PALM2AKAP2: variants seen among roughly 807,000 people sequenced by gnomAD.
PALM2AKAP2 encodes PALM2 and AKAP2 fusion, also known as PALM2-AKAP2 fusion protein.
In PALM2AKAP2, 37 loss-of-function variants were observed where a neutral mutation model predicts 71.5. The observed-to-expected ratio is 0.52, with a 90% CI of 0.40 to 0.68. The LOEUF is 0.68. PALM2AKAP2 is among the 30% of genes least tolerant of loss of function. PALM2AKAP2 has a pLI of 0.00. For missense variants in PALM2AKAP2, 1,224 were observed against 1,191.8 expected (o/e 1.03, Z -0.40); for synonymous variants, 468 against 478.8 (o/e 0.98, Z 0.29).
intron 1 of PALM2AKAP2, among the ~76,000 whole-genome samples, chr9:109,859,886 A>G (rs1011364841): frequency 6.6e-6 from 1 of 152,274 alleles, no homozygotes; most frequent in African/African-American, 2.4e-5. Flanking sequence ...TTGTAGGATC[A>G]GAAAATCACA....
At chr9:109,869,292 TTAG>T (rs1829540231) in intron 2 of PALM2AKAP2, among the ~76,000 whole-genome samples, 3 of 152,114 alleles carry the variant, frequency 2.0e-5, no homozygotes, top group Admixed American at 6.5e-5. Context: ...CAGTGCAGTA[TTAG>T]TATATTCTGT....
At chr9:110,089,890 T>C (rs1173054553) in intron 1 of PALM2AKAP2, among the ~76,000 whole-genome samples, 1 of 152,242 alleles carries the variant, frequency 6.6e-6, no homozygotes, top group Non-Finnish European at 1.5e-5. Flanking sequence ...GTTTACATTA[T>C]AAGTCATCAT....
intron 6 of PALM2AKAP2, among the ~76,000 whole-genome samples, chr9:109,947,923 G>T (rs1831548091): frequency 6.6e-6 from 1 of 152,132 alleles, no homozygotes; most frequent in Non-Finnish European, 1.5e-5. Context: ...CTTAATCAAG[G>T]TATATTGAAC....
At chr9:109,948,388 G>A (rs1831560905) in intron 6 of PALM2AKAP2, among the ~76,000 whole-genome samples, 1 of 152,134 alleles carries the variant, frequency 6.6e-6, no homozygotes, top group East Asian at 1.9e-4. Context: ...TAAGAAGGTC[G>A]GAACTGTCGC....
chr9:109,823,713 T>C (rs75318535), intron 1 of PALM2AKAP2, among the ~76,000 whole-genome samples: 237 of 152,276 alleles, frequency 1.6e-3, no homozygotes, highest in African/African-American at 5.5e-3. Flanking sequence ...TCAGAAAACA[T>C]CTACAGAATG....
intron 2 of PALM2AKAP2, among the ~76,000 whole-genome samples, chr9:110,154,303 G>C (rs559489434): frequency 6.6e-6 from 1 of 152,168 alleles, no homozygotes; most frequent in East Asian, 1.9e-4. Flanking sequence ...AAAGTGATTT[G>C]GCTGCCAAGT....
chr9:109,878,967 C>A (rs2131748750), intron 2 of PALM2AKAP2, among the ~76,000 whole-genome samples: 1 of 152,304 alleles, frequency 6.6e-6, no homozygotes, highest in Admixed American at 6.5e-5. Flanking sequence ...GAACTCCTGA[C>A]CTCAGGTGAT....
At chr9:109,760,563 ACT>A (rs1829034769) in intron 1 of PALM2AKAP2, 1 of 152,048 alleles carries the variant, frequency 6.6e-6, no homozygotes, top group East Asian at 1.9e-4. Flanking sequence ...CATTGAATAA[ACT>A]CTGATTTGAA....
At chr9:109,822,853 G>T (rs1399919059) in intron 1 of PALM2AKAP2, among the ~76,000 whole-genome samples, 2 of 152,208 alleles carry the variant, frequency 1.3e-5, no homozygotes, top group Non-Finnish European at 2.9e-5. Flanking sequence ...CTTTATGGTA[G>T]AATGATGTAT....
intron 1 of PALM2AKAP2, among the ~76,000 whole-genome samples, chr9:109,739,243 G>A (rs1019480463): frequency 6.6e-6 from 1 of 152,128 alleles, no homozygotes; most frequent in Non-Finnish European, 1.5e-5. Flanking sequence ...CAACATCTAA[G>A]CATTGAAATT....
intron 6 of PALM2AKAP2, among the ~76,000 whole-genome samples, chr9:109,986,096 C>A (rs767823764): frequency 6.6e-5 from 10 of 152,172 alleles, no homozygotes; most frequent in Admixed American, 3.3e-4. Context: ...AAACATTTAA[C>A]CTTAGGCTGT....
chr9:109,946,856 A>G (rs777266567), intron 6 of PALM2AKAP2, among the ~76,000 whole-genome samples: 1 of 152,160 alleles, frequency 6.6e-6, no homozygotes, highest in Non-Finnish European at 1.5e-5. Context: ...TTAATTCTAC[A>G]TATCTTGAAA....
chr9:109,790,951 A>G (rs1827096995), intron 1 of PALM2AKAP2, among the ~76,000 whole-genome samples: 1 of 152,226 alleles, frequency 6.6e-6, no homozygotes, highest in Non-Finnish European at 1.5e-5. Context: ...TCCAGGTGGT[A>G]TGCAGGCAGT....
intron 1 of PALM2AKAP2, among the ~76,000 whole-genome samples, chr9:109,827,596 G>A (rs991109460): frequency 2.6e-5 from 4 of 152,140 alleles, no homozygotes; most frequent in Non-Finnish European, 4.4e-5. Context: ...GCGACAGAGT[G>A]AGACTCCGTC....
intron 6 of PALM2AKAP2, among the ~76,000 whole-genome samples, chr9:109,962,819 T>G (rs1219659727): frequency 1.3e-5 from 2 of 152,170 alleles, no homozygotes; most frequent in Non-Finnish European, 2.9e-5. Context: ...ACTTTTGTAT[T>G]TTTAGTAGAG....
chr9:109,751,248 A>C (rs1185684166), intron 1 of PALM2AKAP2, among the ~76,000 whole-genome samples: 1 of 152,158 alleles, frequency 6.6e-6, no homozygotes, highest in Non-Finnish European at 1.5e-5. Context: ...ATAAGGGAAA[A>C]AACCCCACTT....
intron 2 of PALM2AKAP2, among the ~76,000 whole-genome samples, chr9:110,143,534 G>C (rs1047747217): frequency 5.9e-5 from 9 of 152,110 alleles, no homozygotes; most frequent in Non-Finnish European, 1.2e-4. Context: ...AAAGAATTAG[G>C]GGGTGGGATA....
At chr9:110,095,278 C>A (rs1304895168) in intron 1 of PALM2AKAP2, among the ~76,000 whole-genome samples, 1 of 152,188 alleles carries the variant, frequency 6.6e-6, no homozygotes, top group Non-Finnish European at 1.5e-5. Flanking sequence ...ACCATGTAAA[C>A]AGGGACATTG....
intron 1 of PALM2AKAP2, among the ~76,000 whole-genome samples, chr9:109,657,452 T>TGTGTGTGTG (rs1827323580): frequency 6.8e-6 from 1 of 147,106 alleles, no homozygotes; most frequent in African/African-American, 2.6e-5. Context: ...AATATGGTAT[T>TGTGTGTGTG]TGTGTGTGTG....
Sources: allele counts gnomAD v4.1 joint callset (sites outside exome capture counted in the v4.1 genomes callset), GRCh38; gene constraint gnomAD v4.1.1; transcripts MANE v1.5; gene names NCBI Gene and HGNC (gene_info 2026-07-23, HGNC 2026-07-21).